Variants in HSD17B3 observed in about 807,000 individuals in gnomAD.
The protein encoded by HSD17B3 is 17-beta-hydroxysteroid dehydrogenase type 3.
HSD17B3 carries 29 observed loss-of-function variants against 41.1 expected under a neutral mutation model. That is an observed-to-expected ratio of 0.71 (90% CI 0.53 to 0.96). The LOEUF (loss-of-function observed/expected upper bound fraction) is 0.96. HSD17B3 is among the 40% of genes least tolerant of loss of function. HSD17B3 has a pLI of 0.00. For synonymous variants in HSD17B3, 126 were observed against 145.6 expected, an observed-to-expected ratio of 0.87 and a Z score of 0.97; for missense variants, 323 against 374.6, an observed-to-expected ratio of 0.86 and a Z score of 1.14.
chr9:96,288,597 A>C (rs561570136), intron 2 of HSD17B3, among the ~76,000 whole-genome samples: 121 of 152,174 alleles, frequency 8.0e-4, no homozygotes, highest in African/African-American at 2.8e-3. Context: ...CCCAGGCAAC[A>C]CAGCAAGACA....
intron 2 of HSD17B3, among the ~76,000 whole-genome samples, chr9:96,288,780 CA>C (rs1272739130): frequency 2.0e-5 from 3 of 151,488 alleles, no homozygotes; most frequent in African/African-American, 4.9e-5. Flanking sequence ...ACTAAAAATA[CA>C]AAAAAAATTA....
chr9:96,267,614 T>C (rs1826089760), intron 2 of HSD17B3, among the ~76,000 whole-genome samples: 2 of 150,476 alleles, frequency 1.3e-5, no homozygotes, highest in African/African-American at 4.9e-5. Context: ...AAAAAGAAAA[T>C]AGCAAAAATG....
chr9:96,283,197 G>A (rs1195322426), intron 2 of HSD17B3, among the ~76,000 whole-genome samples: 1 of 151,670 alleles, frequency 6.6e-6, no homozygotes, highest in East Asian at 1.9e-4. Flanking sequence ...TAGAGATGGG[G>A]TTTCTCCATG....
chr9:96,256,085 G>A (rs535865718), intron 2 of HSD17B3: 22 of 152,204 alleles, frequency 1.4e-4, no homozygotes, highest in African/African-American at 4.3e-4. Context: ...AAACAGAGAC[G>A]GATGACATTT....
chr9:96,295,336 G>A (rs1433135540), intron 2 of HSD17B3, among the ~76,000 whole-genome samples: 1 of 150,014 alleles, frequency 6.7e-6, no homozygotes, highest in Admixed American at 6.7e-5. Context: ...TTTTGTTTTT[G>A]TTTTTGTTTT....
intron 2 of HSD17B3, among the ~76,000 whole-genome samples, chr9:96,291,772 C>T (rs1444129745): frequency 2.6e-5 from 4 of 152,186 alleles, no homozygotes; most frequent in East Asian, 1.9e-4. Context: ...GCCTGGCCAA[C>T]GAGGTGAAAC....
At chr9:96,272,127 G>C (rs1481061874) in intron 2 of HSD17B3, among the ~76,000 whole-genome samples, 1 of 151,584 alleles carries the variant, frequency 6.6e-6, no homozygotes, top group Non-Finnish European at 1.5e-5. Flanking sequence ...CCAGCACTTT[G>C]GGAGTCTAAG....
At chr9:96,239,376 T>A (rs375737993) in intron 10 of HSD17B3, 1 of 152,326 alleles carries the variant, frequency 6.6e-6, no homozygotes, top group East Asian at 1.9e-4. Flanking sequence ...TTTAGACTCA[T>A]TGGACATTCG....
At chr9:96,241,581 C>T (rs990835830) in intron 9 of HSD17B3, among the ~76,000 whole-genome samples, 13 of 152,118 alleles carry the variant, frequency 8.5e-5, no homozygotes, top group African/African-American at 2.9e-4. Context: ...TGTGGCCTGG[C>T]ATGGGGATTC....
At chr9:96,295,254 C>G (rs1242275910) in intron 2 of HSD17B3, among the ~76,000 whole-genome samples, 1 of 151,490 alleles carries the variant, frequency 6.6e-6, no homozygotes, top group Admixed American at 6.6e-5. Flanking sequence ...ATCTGCCCAC[C>G]TTGGCCTCCC....
rs545316996 is a variant in HSD17B3 at position 96,240,991 on chromosome 9, C to T, written c.673-84G>A. On this transcript the variant is annotated intron_variant, in intron 9 of 10. Coordinates refer to ENST00000375263, the MANE Select transcript of HSD17B3 (RefSeq NM_000197.2). Reference sequence around the variant, plus strand: ...GAAATTAACACTCAAGCCCCCATCCCACCATTTCCCGACCCTTCTCTTCCT... The same window carrying T: ...GAAATTAACACTCAAGCCCCCATCCTACCATTTCCCGACCCTTCTCTTCCT... 60 of 1,504,666 alleles carry T rather than the reference C, an allele frequency of 4.0e-5. No homozygotes were observed. In the South Asian group the frequency reaches 5.4e-4, roughly 14 times the overall value. The allele number at this position is 1,504,666 out of a possible 1,614,324, so 93.2% of individuals were successfully genotyped here.
chr9:96,295,479 C>T (rs945053363), intron 2 of HSD17B3, among the ~76,000 whole-genome samples: 1 of 151,920 alleles, frequency 6.6e-6, no homozygotes, highest in African/African-American at 2.4e-5. Flanking sequence ...GGATTACAAG[C>T]ACCCGCCACC....
intron 2 of HSD17B3, among the ~76,000 whole-genome samples, chr9:96,279,954 A>T (rs1406259736): frequency 6.6e-6 from 1 of 152,060 alleles, no homozygotes; most frequent in African/African-American, 2.4e-5. Flanking sequence ...CATTTTCAGT[A>T]GAGGCGGGGT....
chr9:96,272,446 T>TA (rs1554699341), intron 2 of HSD17B3, among the ~76,000 whole-genome samples: 1 of 85,850 alleles, frequency 1.2e-5, no homozygotes, highest in African/African-American at 4.0e-5. Flanking sequence ...TATATATATA[T>TA]AAAATATATA....
intron 6 of HSD17B3, chr9:96,249,491 C>A (rs766339552): frequency 3.5e-5 from 18 of 512,098 alleles, no homozygotes; most frequent in Non-Finnish European, 7.0e-6. Flanking sequence ...TCAGCATCAT[C>A]GAGCTTAGTA....
At chr9:96,261,447 G>A (rs1825853959) in intron 2 of HSD17B3, among the ~76,000 whole-genome samples, 1 of 152,170 alleles carries the variant, frequency 6.6e-6, no homozygotes, top group Non-Finnish European at 1.5e-5. Context: ...CGCCCGCCTT[G>A]GCCTCCCAAA....
chr9:96,284,172 T>G (rs945521685), intron 2 of HSD17B3, among the ~76,000 whole-genome samples: 1 of 135,852 alleles, frequency 7.4e-6, no homozygotes, highest in Non-Finnish European at 1.5e-5. Context: ...GCTGAGATCA[T>G]GCCACTGCAC....
chr9:96,288,829 G>C (rs10990251), intron 2 of HSD17B3, among the ~76,000 whole-genome samples: 72,855 of 151,360 alleles, frequency 0.48, 18,392 homozygotes, highest in East Asian at 0.66. Context: ...CCCAGCTACT[G>C]AGGAGGCTGA....
chr9:96,302,037 T>C lies in HSD17B3; in HGVS notation c.68A>G (p.Lys23Arg). ...AACACATCTGGAGAATCTCACGCAC[T>C]TCGCCAGGCAGGCCAGGCACACCAG... ...GLLVCLACLA[K>R]CVRFSRCVLL... Residue 23 changes from lysine (K) to arginine (R), a missense_variant, in exon 1 of 11, where the codon AAG (lysine) becomes AGG (arginine). Transcript: ENST00000375263. 1 of 1,614,186 alleles carries C rather than the reference T, an allele frequency of 6.2e-7. No homozygotes were observed. The highest frequency in any genetic ancestry group is 8.5e-7 in the Non-Finnish European group (1 of 1,180,034).
Sources: allele counts gnomAD v4.1 joint callset (sites outside exome capture counted in the v4.1 genomes callset), GRCh38; gene constraint gnomAD v4.1.1; transcripts MANE v1.5; gene names NCBI Gene and HGNC (gene_info 2026-07-23, HGNC 2026-07-21).